Variants in B3GALT1 observed in about 807,000 individuals in gnomAD.
B3GALT1 encodes UDP-Gal:betaGlcNAc beta 1,3-galactosyltransferase, polypeptide 1.
Under a neutral mutation model 23.2 loss-of-function variants are expected in B3GALT1, and 10 were observed. The observed-to-expected ratio is 0.43, with a 90% confidence interval of 0.27 to 0.73. The LOEUF is 0.73. Among genes scored for constraint, B3GALT1 ranks in the 30% least tolerant of loss-of-function variants. The pLI is 0.21. For missense variants in B3GALT1, 299 were observed against 405.4 expected, an observed-to-expected ratio of 0.74 and a Z score of 2.25; for synonymous variants, 156 against 141.5, an observed-to-expected ratio of 1.10 and a Z score of -0.73.
chr2:167,523,954 A>T (rs926021113), intron 2 of B3GALT1, among the ~76,000 whole-genome samples: 4 of 152,074 alleles, frequency 2.6e-5, no homozygotes, highest in Non-Finnish European at 5.9e-5. Flanking sequence ...CAAATTTTCA[A>T]ATTTTTATTC....
At chr2:167,519,290 A>G (rs983255031) in intron 2 of B3GALT1, among the ~76,000 whole-genome samples, 2 of 152,320 alleles carry the variant, frequency 1.3e-5, no homozygotes, top group African/African-American at 2.4e-5. Context: ...TAATTGAGAA[A>G]TGGCCCGCTG....
chr2:167,784,482 T>C (rs77208563), intron 3 of B3GALT1, among the ~76,000 whole-genome samples: 1 of 152,306 alleles, frequency 6.6e-6, no homozygotes, highest in East Asian at 1.9e-4. Flanking sequence ...AAGAGCTAAA[T>C]AAAATGATCA....
intron 2 of B3GALT1, among the ~76,000 whole-genome samples, chr2:167,621,089 C>CTTTTT (rs35420239): frequency 3.1e-5 from 4 of 129,188 alleles, no homozygotes; most frequent in Non-Finnish European, 4.7e-5. Context: ...TTTTTCAGTT[C>CTTTTT]TTTTTTTTTT....
At chr2:167,569,441 C>T (rs1244938237) in intron 2 of B3GALT1, among the ~76,000 whole-genome samples, 1 of 151,814 alleles carries the variant, frequency 6.6e-6, no homozygotes, top group Non-Finnish European at 1.5e-5. Context: ...CCAAGTATTT[C>T]ATTTTTGGTG....
chr2:167,664,228 C>T (rs1005499983), intron 3 of B3GALT1, among the ~76,000 whole-genome samples: 4 of 150,846 alleles, frequency 2.7e-5, no homozygotes, highest in Non-Finnish European at 5.9e-5. Flanking sequence ...AATCCTTTCC[C>T]CATTGCTTGT....
chr2:167,809,691 C>T (rs1688836529), intron 3 of B3GALT1, among the ~76,000 whole-genome samples: 1 of 152,196 alleles, frequency 6.6e-6, no homozygotes, highest in Non-Finnish European at 1.5e-5. Flanking sequence ...TCAGTCTGCC[C>T]CTACTGGGGG....
At chr2:167,561,362 CA>C (rs1683984350) in intron 2 of B3GALT1, among the ~76,000 whole-genome samples, 2 of 151,998 alleles carry the variant, frequency 1.3e-5, no homozygotes, top group African/African-American at 4.8e-5. Flanking sequence ...AGGAAAGATC[CA>C]AAATTGACAC....
Position 167,610,054 on chromosome 2 carries a change from A to AT in B3GALT1, c.-409-36848dup, listed in dbSNP as rs576944391. 2.8e-3 allele frequency among the ~76,000 whole-genome samples: 426 copies of AT among 152,228 alleles called. 1 individual carries two copies. The highest frequency in any genetic ancestry group is 9.9e-3 in the African/African-American group (413 of 41,554). On this transcript the variant is annotated intron_variant, in intron 2 of 4. Transcript: ENST00000392690. Reference sequence around the variant, plus strand: ...AGTGCTAAACTTTTGCAAAAAAAATATTTTTTTGAGAGGAAAATGAGGATA... The same window carrying AT: ...AGTGCTAAACTTTTGCAAAAAAAATATTTTTTTTGAGAGGAAAATGAGGATA...
chr2:167,821,094 T>A (rs1314394751), intron 4 of B3GALT1, among the ~76,000 whole-genome samples: 1 of 152,226 alleles, frequency 6.6e-6, no homozygotes, highest in African/African-American at 2.4e-5. Context: ...CAGTCAATAC[T>A]GAGATGCACT....
At chr2:167,818,501 C>A (rs1251595786) in intron 3 of B3GALT1, among the ~76,000 whole-genome samples, 171 bp from the exon 4 acceptor site, 4 of 152,326 alleles carry the variant, frequency 2.6e-5, no homozygotes, top group Non-Finnish European at 2.9e-5. Context: ...TTTCTTCATT[C>A]TTTTTTCATT....
At chr2:167,478,578 A>T (rs79621304) in intron 1 of B3GALT1, among the ~76,000 whole-genome samples, 173 of 130,142 alleles carry the variant, frequency 1.3e-3, no homozygotes, top group African/African-American at 3.5e-3. Context: ...GTTTTTTTTT[A>T]AATTATACTT....
intron 3 of B3GALT1, among the ~76,000 whole-genome samples, chr2:167,671,029 G>GGATGGCTAC (rs754224706): frequency 5.9e-5 from 9 of 151,984 alleles, no homozygotes; most frequent in Non-Finnish European, 1.2e-4. Context: ...AAAGGAGCAG[G>GGATGGCTAC]GATGGCTACA....
rs1003343465 is a variant in B3GALT1, at chr2:167,872,079, T to A, written c.*2059T>A. Reference sequence around the variant, plus strand: ...ATCACGCCCGGCTAATTTTTTTGTATTTTTAGTAGAGACGGGGTTTCACCG... The same window carrying A: ...ATCACGCCCGGCTAATTTTTTTGTAATTTTAGTAGAGACGGGGTTTCACCG... On this transcript the variant is annotated 3_prime_UTR_variant, in exon 5 of 5. Coordinates refer to ENST00000392690, the MANE Select transcript of B3GALT1 (RefSeq NM_020981.4). 6.6e-6 allele frequency: 1 copy of A among 151,354 alleles called. No individual in the cohort carries two copies. Among genetic ancestry groups the A allele is most frequent in the Non-Finnish European group, 1.5e-5 (1 of 67,824 alleles). 9.4% of individuals were successfully genotyped at this position (151,354 alleles called of 1,614,324 possible).
chr2:167,602,080 C>T (rs1684887078), intron 2 of B3GALT1, among the ~76,000 whole-genome samples: 1 of 152,094 alleles, frequency 6.6e-6, no homozygotes. Context: ...GCTCTAACCA[C>T]AATTTTTTAA....
chr2:167,572,096 A>G lies in B3GALT1; in HGVS notation c.-409-74813A>G, dbSNP rs76294911. Among the ~76,000 whole-genome samples, 18 of 151,954 alleles carry G rather than the reference A, an allele frequency of 1.2e-4. No homozygotes were observed. In the East Asian group the frequency reaches 2.7e-3, roughly 23 times the overall value. ...CATCATATTATGTTATTAGAAGTCA[A>G]TAATAAGCATAAATGCAGTTAGTAG... On this transcript the variant is annotated intron_variant, in intron 2 of 4. Coordinates refer to ENST00000392690, the MANE Select transcript of B3GALT1 (RefSeq NM_020981.4).
At chr2:167,373,211 C>A (rs1697711812) in intron 1 of B3GALT1, among the ~76,000 whole-genome samples, 1 of 151,720 alleles carries the variant, frequency 6.6e-6, no homozygotes, top group Non-Finnish European at 1.5e-5. Flanking sequence ...ACATCATATT[C>A]AAAAACTAAT....
intron 2 of B3GALT1, among the ~76,000 whole-genome samples, chr2:167,540,313 C>T (rs531235343): frequency 6.6e-6 from 1 of 152,264 alleles, no homozygotes; most frequent in South Asian, 2.1e-4. Flanking sequence ...GTTTCCAGAC[C>T]AGCAGCATCC....
chr2:167,853,110 A>C (rs1689935636), intron 4 of B3GALT1, among the ~76,000 whole-genome samples: 1 of 152,204 alleles, frequency 6.6e-6, no homozygotes, highest in South Asian at 2.1e-4. Context: ...GTAAAGCTAC[A>C]AAGGATTACT....
At chr2:167,438,830 T>C (rs1574078535) in intron 1 of B3GALT1, among the ~76,000 whole-genome samples, 1 of 152,208 alleles carries the variant, frequency 6.6e-6, no homozygotes, top group Admixed American at 6.5e-5. Flanking sequence ...TCTCAGAACA[T>C]TGGCAGTCTA....
Sources: allele counts gnomAD v4.1 joint callset (sites outside exome capture counted in the v4.1 genomes callset), GRCh38; gene constraint gnomAD v4.1.1; transcripts MANE v1.5; gene names NCBI Gene and HGNC (gene_info 2026-07-23, HGNC 2026-07-21).